The following PNMA6E variants were observed in gnomAD, a reference collection of about 807,000 sequenced individuals.
The protein encoded by PNMA6E is PNMA family member 6E.
For missense variants in PNMA6E, 78 were observed against 50.8 expected (o/e 1.53, Z -1.63); for synonymous variants, 43 against 17.1 (o/e 2.52, Z -3.74).
At chrX:153,410,984 G>A in the PNMA6E span, among the ~76,000 whole-genome samples, 1 of 111,164 alleles carries the variant, frequency 9.0e-6, no homozygotes, top group Non-Finnish European at 1.9e-5. Context: ...GATGCACCCA[G>A]AGGGTCTTGG....
intron 1 of PNMA6E, among the ~76,000 whole-genome samples, chrX:153,399,812 C>T (rs1056678856): frequency 2.7e-5 from 3 of 111,434 alleles, no homozygotes; most frequent in African/African-American, 6.5e-5. Context: ...ATGGACTGTT[C>T]GGCCATTGAT....
upstream of PNMA6E, among the ~76,000 whole-genome samples, chrX:153,402,826 G>A (rs1194961938): frequency 8.9e-6 from 1 of 112,109 alleles, no homozygotes; most frequent in Non-Finnish European, 1.9e-5. Flanking sequence ...GAGTTGAAAG[G>A]ATTGTTTCTT....
At chrX:153,399,534 G>C (rs189135012) in intron 1 of PNMA6E, among the ~76,000 whole-genome samples, 179 of 110,947 alleles carry the variant, frequency 1.6e-3, no homozygotes, top group Non-Finnish European at 2.9e-3. Context: ...TTTTTGTAGA[G>C]AAGGGGTCTC....
chrX:153,410,728 C>T, the PNMA6E span, among the ~76,000 whole-genome samples: 4 of 113,111 alleles, frequency 3.5e-5, no homozygotes, highest in Middle Eastern at 4.7e-3. Context: ...CAAGGAGGCT[C>T]CCGCCTCGTG....
At position 153,395,671 on chromosome X, in the gene PNMA6E, CAT is replaced by C. The variant is rs2088795256; in HGVS notation, c.*1233_*1234del. The C allele has an allele frequency of 9.0e-6, 1 of 111,535 alleles. No homozygotes were observed. The highest frequency in any genetic ancestry group is 1.9e-5 in the Non-Finnish European group (1 of 52,809). The allele number at this position is 111,535 out of a possible 1,213,427, so 9.2% of individuals were successfully genotyped here. On this transcript the variant is annotated 3_prime_UTR_variant, in exon 2 of 2. Transcript: ENST00000445091. ...CGGAATGAAATTTATTGAAGAGAAACATATACTGAAACTATTGAAGAGAAGGA... is the reference window on the plus strand; with the variant it reads ...CGGAATGAAATTTATTGAAGAGAAACATACTGAAACTATTGAAGAGAAGGA...
At chrX:153,413,820 G>A in the PNMA6E span, among the ~76,000 whole-genome samples, 4 of 112,505 alleles carry the variant, frequency 3.6e-5, no homozygotes, top group East Asian at 1.1e-3. Context: ...CTTTCCAGGA[G>A]TTGAAATTGT....
the PNMA6E span, among the ~76,000 whole-genome samples, chrX:153,406,466 T>C: frequency 8.9e-6 from 1 of 112,582 alleles, no homozygotes; most frequent in Non-Finnish European, 1.9e-5. Flanking sequence ...AAGCTCCCCA[T>C]CAGGTGAGAG....
chrX:153,398,881 A>G lies in PNMA6E; in HGVS notation c.-32T>C, dbSNP rs2088830192. On this transcript the variant is annotated 5_prime_UTR_variant, in exon 2 of 2. Transcript: ENST00000445091. ...GGACTTGAGGGAGGGAGCCTGATCA[A>G]TCAGGAATGTGTGCTGACTGTTGCA... The G allele has an allele frequency of 2.0e-5, 6 of 297,336 alleles. No homozygotes were observed. Among genetic ancestry groups the G allele is most frequent in the Middle Eastern group, 1.7e-3 (2 of 1,159 alleles). 24.5% of individuals were successfully genotyped at this position (297,336 alleles called of 1,213,427 possible).
chrX:153,401,628 G>A (rs868948826), upstream of PNMA6E, among the ~76,000 whole-genome samples: 4 of 112,018 alleles, frequency 3.6e-5, no homozygotes, highest in Non-Finnish European at 7.5e-5. Context: ...CACGAGGATC[G>A]GCGGAGTACA....
At chrX:153,404,909 G>T (rs958992707), upstream of PNMA6E, among the ~76,000 whole-genome samples, 4 of 112,396 alleles carry the variant, frequency 3.6e-5, no homozygotes, top group East Asian at 1.1e-3. Context: ...CTTCTTCGAG[G>T]TGTTAACCCC....
chrX:153,405,117 GC>G (rs1556971940), upstream of PNMA6E, among the ~76,000 whole-genome samples: 2 of 112,569 alleles, frequency 1.8e-5, no homozygotes, highest in African/African-American at 6.5e-5. Context: ...TTAACAAGAT[GC>G]CCCGGATGAC....
chrX:153,403,402 C>T (rs1006219903), upstream of PNMA6E, among the ~76,000 whole-genome samples: 12 of 111,867 alleles, frequency 1.1e-4, no homozygotes, highest in East Asian at 2.8e-4. Context: ...TGATTTATGA[C>T]GGTTTGACTT....
chrX:153,401,528 A>G (rs1448057232), upstream of PNMA6E: 4 of 111,766 alleles, frequency 3.6e-5, no homozygotes, highest in Admixed American at 9.5e-5. Context: ...TGTTACCATG[A>G]CGACTACACG....
chrX:153,407,840 T>C, the PNMA6E span, among the ~76,000 whole-genome samples: 2 of 112,337 alleles, frequency 1.8e-5, no homozygotes, highest in African/African-American at 6.5e-5. Flanking sequence ...AATGGCCCAG[T>C]CAGACCAAAG....
the PNMA6E span, among the ~76,000 whole-genome samples, chrX:153,407,812 C>A: frequency 8.9e-6 from 1 of 112,375 alleles, no homozygotes; most frequent in East Asian, 2.8e-4. Context: ...GTTAGTGATC[C>A]GAGCAGTCCA....
chrX:153,401,779 GTTTTGT>G (rs1342716862), upstream of PNMA6E, among the ~76,000 whole-genome samples: 3 of 102,600 alleles, frequency 2.9e-5, no homozygotes, highest in Admixed American at 2.1e-4. Context: ...TTTTTGTTTT[GTTTTGT>G]TTTTGTTTTT....
upstream of PNMA6E, among the ~76,000 whole-genome samples, chrX:153,406,231 G>A (rs782551267): frequency 3.6e-5 from 4 of 112,314 alleles, no homozygotes; most frequent in Admixed American, 9.4e-5. Flanking sequence ...CGGCATCGGC[G>A]GAGAGCTAGT....
In PNMA6E at chrX:153,397,880, A is replaced by G; in HGVS notation, c.970T>C (p.Phe324Leu). The change falls in exon 2 of 2, where the codon TTT (phenylalanine) becomes CTT (leucine). Residue 324 changes from phenylalanine to leucine, a missense_variant. Coordinates refer to ENST00000445091, the MANE Select transcript of PNMA6E (RefSeq NM_001367770.1). ...CAGCCTGGCTGCTCCCTCCTGGAAAAGGGTCTCAATTCCCGGTAGGCCCTG... is the reference window on the plus strand; with the variant it reads ...CAGCCTGGCTGCTCCCTCCTGGAAAGGGGTCTCAATTCCCGGTAGGCCCTG... ...ENRAYRELRP[F>L]SRREQPGCEE... 5.9e-6 allele frequency: 2 copies of G among 336,382 alleles called. No homozygotes were observed. Among genetic ancestry groups the G allele is most frequent in the Non-Finnish European group, 5.2e-6 (1 of 193,994 alleles). 27.7% of individuals were successfully genotyped at this position (336,382 alleles called of 1,213,427 possible). A position where few individuals can be genotyped will look rare whatever the true frequency, so the allele number is the denominator to read the frequency against.
At chrX:153,401,030 GGGCCTTCCTT>G (rs1313028911) in intron 1 of PNMA6E, among the ~76,000 whole-genome samples, 3 of 109,809 alleles carry the variant, frequency 2.7e-5, no homozygotes, top group Non-Finnish European at 5.7e-5. Flanking sequence ...CCTCCCGAGG[GGGCCTTCCTT>G]GGCGGGAAGC....
Sources: gnomAD v4.1 joint callset for allele counts (sites outside exome capture counted in the v4.1 genomes callset) on GRCh38, gnomAD v4.1.1 for gene constraint, MANE v1.5 for transcripts, NCBI Gene and HGNC (gene_info 2026-07-23, HGNC 2026-07-21) for gene names.